SERF2: variants seen among roughly 807,000 people sequenced by gnomAD.
The protein encoded by SERF2 is gastric cancer-related protein VRG107.
SERF2 carries 4 observed loss-of-function variants against 10.7 expected under a neutral mutation model. The observed-to-expected ratio is 0.37, with a 90% CI of 0.18 to 0.86. SERF2 has a LOEUF of 0.86. SERF2 is among the 40% of genes least tolerant of loss of function. The pLI is 0.43. For missense variants in SERF2, 47 were observed against 79.1 expected, an observed-to-expected ratio of 0.59 and a Z score of 1.54; for synonymous variants, 26 against 26.0, an observed-to-expected ratio of 1.00 and a Z score of 0.01.
intron 2 of SERF2, among the ~76,000 whole-genome samples, chr15:43,787,220 T>C (rs971535476): frequency 3.3e-5 from 5 of 152,032 alleles, no homozygotes; most frequent in Non-Finnish European, 7.4e-5. Context: ...AGGATGGTCT[T>C]GATCTCCTGA....
In SERF2 at chr15:43,795,088, C is replaced by T; in HGVS notation, c.*1315C>T. 1 of 1,613,740 alleles carries T rather than the reference C, an allele frequency of 6.2e-7. No homozygotes were observed. Among genetic ancestry groups the T allele is most frequent in the South Asian group, 1.1e-5 (1 of 91,062 alleles). On this transcript the variant is annotated 3_prime_UTR_variant, in exon 3 of 3. Coordinates refer to ENST00000249786, the MANE Select transcript of SERF2 (RefSeq NM_001018108.4). Reference sequence around the variant, plus strand: ...GGGCTGGGGTTTCTGGGTGGGGGGCCAACAGAGTGGTGCCAGTAACAGCCC... The same window carrying T: ...GGGCTGGGGTTTCTGGGTGGGGGGCTAACAGAGTGGTGCCAGTAACAGCCC...
At chr15:43,791,908 A>C (rs1325064909), upstream of SERF2, 2 of 183,364 alleles carry the variant, frequency 1.1e-5, no homozygotes, top group African/African-American at 4.7e-5. Context: ...GCACAAGTTT[A>C]GTAGTAGAGT....
At chr15:43,791,151 G>T (rs535565168), upstream of SERF2, among the ~76,000 whole-genome samples, 51 of 151,794 alleles carry the variant, frequency 3.4e-4, no homozygotes, top group African/African-American at 1.2e-3. Context: ...TCGGCTCACT[G>T]CAAGCTCCAT....
At position 43,794,131 on chromosome 15, in the gene SERF2, T is replaced by A. The variant is rs2087145017; in HGVS notation, c.*358T>A. 1.5e-6 allele frequency: 1 copy of A among 663,666 alleles called. No homozygotes were observed. The allele number at this position is 663,666 out of a possible 1,614,324, so 41.1% of individuals were successfully genotyped here. On this transcript the variant is annotated 3_prime_UTR_variant, in exon 3 of 3. Transcript: ENST00000249786. ...TTCCCACCAAAAAAGGGAGAACTCT[T>A]TAGATTCAGATTGTGGGTATGTAGA... is the stretch of plus-strand genomic sequence containing the variant.
At chr15:43,780,611 C>T (rs1457382138) in intron 1 of SERF2, among the ~76,000 whole-genome samples, 1 of 152,120 alleles carries the variant, frequency 6.6e-6, no homozygotes, top group Non-Finnish European at 1.5e-5. Context: ...ACCCTTCTGC[C>T]TTCTGTATCT....
At position 43,795,135 on chromosome 15, in the gene SERF2, C is replaced by G; in HGVS notation, c.*1362C>G. 1.2e-6 allele frequency: 2 copies of G among 1,614,060 alleles called. No individual in the cohort carries two copies. The highest frequency in any genetic ancestry group is 2.2e-5 in the South Asian group (2 of 91,084). On this transcript the variant is annotated 3_prime_UTR_variant, in exon 3 of 3. Coordinates refer to ENST00000249786, the MANE Select transcript of SERF2 (RefSeq NM_001018108.4). Reference sequence around the variant, plus strand: ...GCCCCAGATAGAGGAGTACGCAGGCCCAGCATGAGGCAACCTTGACCCAGA... The same window carrying G: ...GCCCCAGATAGAGGAGTACGCAGGCGCAGCATGAGGCAACCTTGACCCAGA...
chr15:43,793,093 G>A lies in SERF2; in HGVS notation c.116+10G>A, dbSNP rs141204789. On this transcript the variant is annotated intron_variant, in intron 2 of 2. Coordinates refer to ENST00000249786, the MANE Select transcript of SERF2 (RefSeq NM_001018108.4). Reference sequence around the variant, plus strand: ...CCGCCCGCAAGCAGAGGTAGCCCCAGGGAGGGGAGGGAAAGGGACGGTGGA... The same window carrying A: ...CCGCCCGCAAGCAGAGGTAGCCCCAAGGAGGGGAGGGAAAGGGACGGTGGA... 6.2e-3 allele frequency: 9,762 copies of A among 1,579,914 alleles called. 153 individuals are homozygous for A. Among genetic ancestry groups the A allele is most frequent in the East Asian group, 0.051 (2,272 of 44,610 alleles).
At position 43,794,630 on chromosome 15, in the gene SERF2, C is replaced by T. The variant is rs1567169423; in HGVS notation, c.*857C>T. ...TGCCCAGGGCTGAACTCCTTATTTT[C>T]CTTTCTCCAAGGGCAGAGCCGAGTC... On this transcript the variant is annotated 3_prime_UTR_variant, in exon 3 of 3. Transcript: ENST00000249786. 1 of 201,954 alleles carries T rather than the reference C, an allele frequency of 5.0e-6. No individual in the cohort carries two copies. The highest frequency in any genetic ancestry group is 1.1e-4 in the East Asian group (1 of 9,018). 12.5% of individuals were successfully genotyped at this position (201,954 alleles called of 1,614,324 possible).
chr15:43,791,963 G>A (rs2087067753), upstream of SERF2: 5 of 275,544 alleles, frequency 1.8e-5, no homozygotes, highest in Admixed American at 1.3e-4. Flanking sequence ...CTTGTCTACG[G>A]GCGTTCTTTC....
upstream of SERF2, among the ~76,000 whole-genome samples, chr15:43,788,523 C>A (rs2087026177): frequency 1.3e-5 from 2 of 152,112 alleles, no homozygotes. Flanking sequence ...ATTCTGTCAC[C>A]CAGGCTGGAG....
intron 1 of SERF2, chr15:43,792,688 C>A: frequency 8.3e-7 from 1 of 1,197,636 alleles, no homozygotes; most frequent in Non-Finnish European, 1.1e-6. Flanking sequence ...CACGGAGACC[C>A]AAACCGTCCA....
rs2087181341 is a variant in SERF2 at position 43,795,270 on chromosome 15, T to G, written c.*1497T>G. 6.3e-7 allele frequency: 1 copy of G among 1,595,418 alleles called. No individual in the cohort carries two copies. The highest frequency in any genetic ancestry group is 1.3e-5 in the African/African-American group (1 of 74,450). On this transcript the variant is annotated 3_prime_UTR_variant, in exon 3 of 3. Transcript: ENST00000249786. ...TGAAGGGCCTTAGCTTTTAGACCTG[T>G]TCTACCTCCTCACCAAATATAATGG... is the stretch of plus-strand genomic sequence containing the variant.
At chr15:43,786,582 T>C (rs957874478) in intron 2 of SERF2, among the ~76,000 whole-genome samples, 1 of 152,182 alleles carries the variant, frequency 6.6e-6, no homozygotes, top group Non-Finnish European at 1.5e-5. Context: ...TTCTCTTGTG[T>C]GTGTTTGATT....
intron 2 of SERF2, 196 bp downstream of exon 2, chr15:43,793,279 G>A: frequency 1.8e-6 from 1 of 570,774 alleles, no homozygotes; most frequent in Non-Finnish European, 3.1e-6. Context: ...GGACGGGGGC[G>A]GGCGCCTGCC....
chr15:43,794,882 C>A lies in SERF2; in HGVS notation c.*1109C>A, dbSNP rs549760199. ...TTCTTCCAGTTCATAGTATTGACTT[C>A]AGCCCAAACGGAGATAACTCCCTGT... On this transcript the variant is annotated 3_prime_UTR_variant, in exon 3 of 3. Coordinates refer to ENST00000249786, the MANE Select transcript of SERF2 (RefSeq NM_001018108.4). The A allele has an allele frequency of 2.1e-4, 167 of 780,576 alleles. 1 individual carries two copies. Among genetic ancestry groups the A allele is most frequent in the Middle Eastern group, 1.2e-3 (3 of 2,598 alleles). The allele number at this position is 780,576 out of a possible 1,614,324, so 48.4% of individuals were successfully genotyped here.
chr15:43,792,180 C>T (rs954213897), upstream of SERF2: 6 of 616,658 alleles, frequency 9.7e-6, no homozygotes, highest in Admixed American at 2.6e-5. Flanking sequence ...TGCGACCCTC[C>T]GCCACTTACC....
upstream of SERF2, among the ~76,000 whole-genome samples, chr15:43,791,112 C>T (rs144550468): frequency 3.5e-3 from 532 of 151,736 alleles, 15 homozygotes; most frequent in East Asian, 0.075. Context: ...CTCGCTCTGT[C>T]GCCCAGGCTA....
intron 1 of SERF2, chr15:43,785,327 C>T (rs2086997669): frequency 1.3e-5 from 2 of 152,150 alleles, no homozygotes; most frequent in African/African-American, 4.8e-5. Context: ...CCTCAGCCTC[C>T]CAAAGTGCTG....
At chr15:43,787,321 C>A (rs1170354893), upstream of SERF2, among the ~76,000 whole-genome samples, 1 of 151,898 alleles carries the variant, frequency 6.6e-6, no homozygotes, top group Non-Finnish European at 1.5e-5. Flanking sequence ...TTAAACCAAT[C>A]AATATTAAAA....
Sources: gnomAD v4.1 joint callset for allele counts (sites outside exome capture counted in the v4.1 genomes callset) on GRCh38, gnomAD v4.1.1 for gene constraint, MANE v1.5 for transcripts, NCBI Gene and HGNC (gene_info 2026-07-23, HGNC 2026-07-21) for gene names.